VAC14: variants seen among roughly 807,000 people sequenced by gnomAD.
VAC14 encodes VAC14 component of PIKFYVE complex.
In VAC14, 47 loss-of-function variants were observed where a neutral mutation model predicts 85.3. The ratio of observed to expected loss-of-function variants is 0.55; its 90% confidence interval spans 0.44 to 0.70. The LOEUF is 0.70. Ranked by LOEUF, VAC14 falls within the 30% of genes least tolerant of loss-of-function variation. The probability of loss-of-function intolerance (pLI) is 0.00; values close to 1 mark genes in which losing one functional copy is unlikely to be tolerated. For missense variants in VAC14, 861 were observed against 1,004.3 expected (o/e 0.86, Z 1.93); for synonymous variants, 447 against 430.5 (o/e 1.04, Z -0.47).
At chr16:70,767,162 A>G (rs2032878322) in intron 10 of VAC14, among the ~76,000 whole-genome samples, 1 of 152,194 alleles carries the variant, frequency 6.6e-6, no homozygotes, top group Non-Finnish European at 1.5e-5. Flanking sequence ...TACGCGTACT[A>G]CAGTTTCCAA....
chr16:70,751,590 C>G (rs567869437), intron 12 of VAC14, among the ~76,000 whole-genome samples: 2 of 152,356 alleles, frequency 1.3e-5, no homozygotes, highest in Admixed American at 6.5e-5. Context: ...AGGGGTGCAG[C>G]CTGGCTGGCC....
chr16:70,701,124 C>G (rs1367863139), intron 14 of VAC14, among the ~76,000 whole-genome samples: 1 of 152,166 alleles, frequency 6.6e-6, no homozygotes, highest in Non-Finnish European at 1.5e-5. Context: ...AGTGATACCA[C>G]CCTCTCCTGG....
At chr16:70,771,728 C>T (rs929578493) in intron 10 of VAC14, 10 of 185,194 alleles carry the variant, frequency 5.4e-5, no homozygotes, top group Admixed American at 2.9e-4. Flanking sequence ...TACAGGCACA[C>T]GCCACCAGGC....
At chr16:70,726,865 A>T (rs1024959774) in intron 14 of VAC14, among the ~76,000 whole-genome samples, 1 of 152,212 alleles carries the variant, frequency 6.6e-6, no homozygotes, top group African/African-American at 2.4e-5. Context: ...CCACCAGAAA[A>T]GGAGGCTGTG....
chr16:70,784,785 G>A lies in VAC14; in HGVS notation c.477C>T (p.Arg159=), dbSNP rs571923480. ...NVKSGSELLD[R]LLKDIVTESN... Reference sequence around the variant, plus strand: ...GACAAAGTACAAATACCTTTAAAAGGCGGTCTAGGAGCTCAGATCCGCTTT... The same window carrying A: ...GACAAAGTACAAATACCTTTAAAAGACGGTCTAGGAGCTCAGATCCGCTTT... Residue 159 remains arginine (R), a synonymous_variant, in exon 4 of 19, where the codon CGC becomes CGT. Coordinates refer to ENST00000261776, the MANE Select transcript of VAC14 (RefSeq NM_018052.5). 6.2e-7 allele frequency: 1 copy of A among 1,614,090 alleles called. No individual in the cohort carries two copies. Among genetic ancestry groups the A allele is most frequent in the Middle Eastern group, 1.6e-4 (1 of 6,062 alleles).
intron 14 of VAC14, among the ~76,000 whole-genome samples, chr16:70,711,180 C>T (rs1022492444): frequency 6.6e-6 from 1 of 152,214 alleles, no homozygotes; most frequent in African/African-American, 2.4e-5. Context: ...GCATGGACCA[C>T]GTGCGGGCCT....
chr16:70,689,579 C>T lies in VAC14; in HGVS notation c.2187-1489G>A, dbSNP rs1467115902. 1.5e-5 allele frequency: 15 copies of T among 985,540 alleles called. No homozygotes were observed. The East Asian group carries it at 1.5e-3, about 97-fold the overall frequency. The allele number at this position is 985,540 out of a possible 1,614,324, so 61.0% of individuals were successfully genotyped here. The stretch of plus-strand genomic sequence containing the variant: ...CCTCCTGCACCCCTGCTCAGCTCTG[C>T]CTGCCCACACCTGTTCCCTTCCCGC... On this transcript the variant is annotated intron_variant, in intron 18 of 18. Transcript: ENST00000261776.
chr16:70,774,341 G>A (rs1261420184), intron 9 of VAC14, among the ~76,000 whole-genome samples: 1 of 152,126 alleles, frequency 6.6e-6, no homozygotes, highest in South Asian at 2.1e-4. Flanking sequence ...GTTTTCTCAC[G>A]AGTAGGGAGT....
intron 18 of VAC14, chr16:70,688,625 G>A (rs1333441985): frequency 2.0e-6 from 2 of 985,468 alleles, no homozygotes; most frequent in Admixed American, 6.1e-5. Context: ...ACTGTCCCTG[G>A]GAGGAGGAAT....
chr16:70,729,669 C>T (rs1233995929), intron 14 of VAC14, among the ~76,000 whole-genome samples: 1 of 152,030 alleles, frequency 6.6e-6, no homozygotes, highest in African/African-American at 2.4e-5. Flanking sequence ...CTCCTTCTTT[C>T]CCCAACCATT....
At chr16:70,763,299 T>C (rs1412674091) in intron 10 of VAC14, among the ~76,000 whole-genome samples, 1 of 152,136 alleles carries the variant, frequency 6.6e-6, no homozygotes, top group Non-Finnish European at 1.5e-5. Context: ...ATGATAACCA[T>C]GTTTTGGGGG....
chr16:70,800,131 A>G (rs1008617572), intron 1 of VAC14, among the ~76,000 whole-genome samples: 8 of 152,228 alleles, frequency 5.3e-5, no homozygotes, highest in Non-Finnish European at 1.5e-5. Flanking sequence ...TACTGCAGAA[A>G]AAAAAATAAA....
chr16:70,690,319 C>T, intron 18 of VAC14: 1 of 985,562 alleles, frequency 1.0e-6, no homozygotes, highest in Non-Finnish European at 1.2e-6. Context: ...CTCTCCCTGC[C>T]CCACCTAATG....
At chr16:70,745,184 T>TG (rs1567560371) in intron 12 of VAC14, 1 of 152,874 alleles carries the variant, frequency 6.5e-6, no homozygotes, top group African/African-American at 2.4e-5. Context: ...AAAGTGTCCC[T>TG]GCACAGATGT....
intron 12 of VAC14, chr16:70,761,069 C>T: frequency 2.5e-6 from 1 of 396,968 alleles, no homozygotes; most frequent in Non-Finnish European, 5.1e-6. Flanking sequence ...TACTCACAGA[C>T]CATCTGTTTT....
chr16:70,787,679 G>C (rs1452731626), intron 1 of VAC14, among the ~76,000 whole-genome samples: 1 of 152,192 alleles, frequency 6.6e-6, no homozygotes, highest in Non-Finnish European at 1.5e-5. Flanking sequence ...CCTGGAAGTG[G>C]GATGGAGCCG....
At chr16:70,772,349 T>C (rs920941234) in intron 9 of VAC14, 177 bp from the exon 10 acceptor site, 7 of 585,064 alleles carry the variant, frequency 1.2e-5, no homozygotes, top group Non-Finnish European at 2.1e-5. Flanking sequence ...TCATTCTCGA[T>C]AGTCCCCAAG....
chr16:70,745,940 A>C (rs936501176), intron 12 of VAC14, among the ~76,000 whole-genome samples: 6 of 152,236 alleles, frequency 3.9e-5, no homozygotes, highest in African/African-American at 1.4e-4. Context: ...TTAGCACTGT[A>C]GGGCTCCTAC....
rs138355553 is a variant in VAC14 at position 70,781,975 on chromosome 16, G to A, written c.840C>T (p.Cys280=). The A allele has an allele frequency of 4.7e-5, 76 of 1,613,876 alleles. No individual in the cohort carries two copies. Among genetic ancestry groups the A allele is most frequent in the Non-Finnish European group, 6.4e-5 (76 of 1,180,006 alleles). ...TDDLIQLTAM[C]WMREFIQLAG... is the part of the protein sequence containing the mutation. ...CCAGCTGGATGAACTCCCGCATCCA[G>A]CACATGGCTGTCAGCTGGATGAGGT... Residue 280 remains cysteine (C), a synonymous_variant, in exon 8 of 19, where the codon TGC becomes TGT. Transcript: ENST00000261776.
Sources: allele counts gnomAD v4.1 joint callset (sites outside exome capture counted in the v4.1 genomes callset), GRCh38; gene constraint gnomAD v4.1.1; transcripts MANE v1.5; gene names NCBI Gene and HGNC (gene_info 2026-07-23, HGNC 2026-07-21).